LIMD1: variants seen among roughly 807,000 people sequenced by gnomAD.
LIMD1 encodes the protein LIM domain-containing protein 1.
In LIMD1, 23 loss-of-function variants were observed where a neutral mutation model predicts 58.4. The observed-to-expected ratio is 0.39, with a 90% CI of 0.28 to 0.56. The LOEUF is 0.56. Among genes scored for constraint, LIMD1 ranks in the 20% least tolerant of loss-of-function variants. The pLI is 0.57. For synonymous variants in LIMD1, 334 were observed against 345.5 expected, an observed-to-expected ratio of 0.97 and a Z score of 0.37; for missense variants, 838 against 855.5, an observed-to-expected ratio of 0.98 and a Z score of 0.25.
At chr3:45,641,079 A>G (rs764410155) in intron 2 of LIMD1, among the ~76,000 whole-genome samples, 1 of 152,180 alleles carries the variant, frequency 6.6e-6, no homozygotes, top group Admixed American at 6.6e-5. Flanking sequence ...TCAGCTCTGC[A>G]GGTCCTGAGT....
At chr3:45,640,244 A>G (rs918025429) in intron 2 of LIMD1, among the ~76,000 whole-genome samples, 1 of 151,854 alleles carries the variant, frequency 6.6e-6, no homozygotes, top group African/African-American at 2.4e-5. Flanking sequence ...TTTCACTTCC[A>G]TGCCTCTGAT....
At chr3:45,628,996 G>A (rs1217785376) in intron 1 of LIMD1, among the ~76,000 whole-genome samples, 1 of 152,212 alleles carries the variant, frequency 6.6e-6, no homozygotes, top group Non-Finnish European at 1.5e-5. Context: ...CAGATCAGTG[G>A]TTGCCTGGGG....
intron 1 of LIMD1, among the ~76,000 whole-genome samples, chr3:45,609,052 A>G (rs1256980760): frequency 6.6e-6 from 1 of 152,234 alleles, no homozygotes; most frequent in Non-Finnish European, 1.5e-5. Flanking sequence ...TTTGCTCAGC[A>G]GTAGTGGCTA....
chr3:45,632,036 G>A (rs981272382), intron 1 of LIMD1, among the ~76,000 whole-genome samples: 1 of 152,202 alleles, frequency 6.6e-6, no homozygotes, highest in African/African-American at 2.4e-5. Context: ...GCTGTTTGTA[G>A]CCAGCATTTT....
chr3:45,628,302 G>A (rs1701686446), intron 1 of LIMD1, among the ~76,000 whole-genome samples: 1 of 152,156 alleles, frequency 6.6e-6, no homozygotes, highest in Non-Finnish European at 1.5e-5. Context: ...TATCTAGAAT[G>A]TATAAGAAGT....
intron 2 of LIMD1, among the ~76,000 whole-genome samples, 154 bp from the exon 3 acceptor site, chr3:45,665,496 C>T (rs2125668707): frequency 6.6e-6 from 1 of 152,316 alleles, no homozygotes; most frequent in South Asian, 2.1e-4. Flanking sequence ...CGCCGAGGGC[C>T]ACGGCATCTT....
In LIMD1 at chr3:45,674,373, A is replaced by G. The variant is rs1415213229; in HGVS notation, c.1855A>G (p.Met619Val). The G allele has an allele frequency of 5.6e-6, 9 of 1,613,620 alleles. No individual in the cohort carries two copies. The highest frequency in any genetic ancestry group is 7.6e-6 in the Non-Finnish European group (9 of 1,179,864). The change falls in exon 7 of 8, where the codon ATG (methionine) becomes GTG (valine). Residue 619 changes from methionine to valine, a missense_variant. Transcript: ENST00000273317. ...AGATGAGACCATCCGTGTCGTGTCCATGGACAGAGACTACCACGTGGAGTG... is the reference window on the plus strand; with the variant it reads ...AGATGAGACCATCCGTGTCGTGTCCGTGGACAGAGACTACCACGTGGAGTG... ...GSDETIRVVSMDRDYHVECYH... is the reference protein window; with the variant it reads ...GSDETIRVVSVDRDYHVECYH...
At chr3:45,608,604 C>G (rs970411519) in intron 1 of LIMD1, among the ~76,000 whole-genome samples, 2 of 152,084 alleles carry the variant, frequency 1.3e-5, no homozygotes, top group Non-Finnish European at 1.5e-5. Flanking sequence ...CTTTTGGAGG[C>G]CGAGGCGGGC....
chr3:45,597,862 C>CA (rs1429948158), intron 1 of LIMD1, among the ~76,000 whole-genome samples: 1 of 152,222 alleles, frequency 6.6e-6, no homozygotes, highest in African/African-American at 2.4e-5. Flanking sequence ...CTTATGGTAG[C>CA]ATTGTGTTTT....
rs1701318702 is a variant in LIMD1 at position 45,594,802 on chromosome 3, C to CACACACACACACACACGGCACCTGG, written c.-62_-61insGGCACCTGGACACACACACACACAC. 1.6e-5 allele frequency: 3 copies of CACACACACACACACACGGCACCTGG among 193,274 alleles called. No homozygotes were observed. The highest frequency in any genetic ancestry group is 1.1e-3 in the Middle Eastern group (1 of 918). 12.0% of individuals were successfully genotyped at this position (193,274 alleles called of 1,614,324 possible). On this transcript the variant is annotated 5_prime_UTR_variant, in exon 1 of 8. Transcript: ENST00000273317. ...CAACACACACACACACACACACACA[C>CACACACACACACACACGGCACCTGG]ACACACACACACACACACACACACA...
chr3:45,667,251 G>A (rs1188776530), intron 3 of LIMD1, among the ~76,000 whole-genome samples: 1 of 152,196 alleles, frequency 6.6e-6, no homozygotes, highest in African/African-American at 2.4e-5. Flanking sequence ...AAGTAACAGT[G>A]CTGGAGGAAT....
At chr3:45,667,739 G>T (rs929945616) in intron 3 of LIMD1, among the ~76,000 whole-genome samples, 1 of 151,992 alleles carries the variant, frequency 6.6e-6, no homozygotes, top group African/African-American at 2.4e-5. Context: ...TTTGTTGGCT[G>T]TGTGACCTTG....
intron 1 of LIMD1, among the ~76,000 whole-genome samples, chr3:45,607,724 T>C (rs1283465817): frequency 6.6e-6 from 1 of 152,166 alleles, no homozygotes; most frequent in African/African-American, 2.4e-5. Flanking sequence ...TGAGCACATA[T>C]TCCAGCAGGC....
At chr3:45,609,729 C>T (rs1701505340) in intron 1 of LIMD1, among the ~76,000 whole-genome samples, 1 of 152,226 alleles carries the variant, frequency 6.6e-6, no homozygotes, top group African/African-American at 2.4e-5. Context: ...CTACTATGTG[C>T]AAGAGACTGA....
intron 3 of LIMD1, among the ~76,000 whole-genome samples, chr3:45,667,113 C>A (rs1280356767): frequency 6.6e-6 from 1 of 152,220 alleles, no homozygotes; most frequent in African/African-American, 2.4e-5. Flanking sequence ...TTGGGAGGAC[C>A]CCAGAGTTTA....
Position 45,681,875 on chromosome 3 carries a change from TGTAAG to T in LIMD1, c.*4819_*4823del, listed in dbSNP as rs1697750101. On this transcript the variant is annotated 3_prime_UTR_variant, in exon 8 of 8. Transcript: ENST00000273317. The stretch of plus-strand genomic sequence containing the variant: ...CTTGTAAGGTCCTGATGCAGTGACT[TGTAAG>T]GTCACTTTGTCTCTCTTGTGAATGT... 2 of 152,368 alleles carry T rather than the reference TGTAAG, an allele frequency of 1.3e-5. No homozygotes were observed. Among genetic ancestry groups the T allele is most frequent in the Admixed American group, 1.3e-4 (2 of 15,308 alleles). The allele number at this position is 152,368 out of a possible 1,614,324, so 9.4% of individuals were successfully genotyped here.
At chr3:45,660,107 A>AC (rs1479876550) in intron 2 of LIMD1, among the ~76,000 whole-genome samples, 1 of 152,206 alleles carries the variant, frequency 6.6e-6, no homozygotes, top group Non-Finnish European at 1.5e-5. Flanking sequence ...GAACTTGCTA[A>AC]CCCCATTCCT....
At chr3:45,620,157 A>G (rs957446696) in intron 1 of LIMD1, among the ~76,000 whole-genome samples, 12 of 152,120 alleles carry the variant, frequency 7.9e-5, no homozygotes, top group Non-Finnish European at 1.6e-4. Flanking sequence ...GGAGGTTGAC[A>G]TTTGTTTTAG....
rs1264645440 is a variant in LIMD1 at position 45,594,794 on chromosome 3, CACACACACACACACACACACACA to C, written c.-85_-63del. ...GCTGCCCTCAACACACACACACACA[CACACACACACACACACACACACA>C]CACACACACACACACACACACACAC... On this transcript the variant is annotated 5_prime_UTR_variant, in exon 1 of 8. Transcript: ENST00000273317. 1 of 104,424 alleles carries C rather than the reference CACACACACACACACACACACACA, an allele frequency of 9.6e-6. No homozygotes were observed. The highest frequency in any genetic ancestry group is 1.6e-5 in the Non-Finnish European group (1 of 61,730). The allele number at this position is 104,424 out of a possible 1,614,324, so 6.5% of individuals were successfully genotyped here. A position where few individuals can be genotyped will look rare whatever the true frequency, so the allele number is the denominator to read the frequency against.
Sources: gnomAD v4.1 joint callset for allele counts (sites outside exome capture counted in the v4.1 genomes callset) on GRCh38, gnomAD v4.1.1 for gene constraint, MANE v1.5 for transcripts, NCBI Gene and HGNC (gene_info 2026-07-23, HGNC 2026-07-21) for gene names.